Variants in POR observed in about 807,000 individuals in gnomAD.
POR encodes the protein cytochrome p450 oxidoreductase.
Under a neutral mutation model 84.0 loss-of-function variants are expected in POR, and 56 were observed. The ratio of observed to expected loss-of-function variants is 0.67; its 90% confidence interval spans 0.54 to 0.83. POR has a LOEUF of 0.83. Ranked by LOEUF, POR falls within the 40% of genes least tolerant of loss-of-function variation. The pLI, the probability that POR is intolerant of heterozygous loss-of-function variation, is 0.00. For missense variants in POR, 938 were observed against 944.3 expected (o/e 0.99, Z 0.09); for synonymous variants, 414 against 400.5 (o/e 1.03, Z -0.40).
rs548465463 is a variant in POR, at chr7:75,941,290, G to A, written c.-4-12699G>A. ...TATGTTGTACAATGACACGATGGCC[G>A]AGTAGTCTACAAAAGGAACCGTGCG... On this transcript the variant is annotated intron_variant, in intron 1 of 15. Transcript: ENST00000461988. Among the ~76,000 whole-genome samples the A allele has an allele frequency of 2.1e-4, 32 of 152,152 alleles. 1 individual carries two copies. The highest frequency in any genetic ancestry group is 2.1e-3 in the Admixed American group (32 of 15,268).
At chr7:75,974,300 C>T (rs1426797549) in intron 3 of POR, among the ~76,000 whole-genome samples, 2 of 152,042 alleles carry the variant, frequency 1.3e-5, no homozygotes, top group African/African-American at 2.4e-5. Context: ...AAATCGTCCC[C>T]GTAGGAGTCA....
At chr7:75,957,120 G>T (rs1338342435) in intron 2 of POR, among the ~76,000 whole-genome samples, 1 of 152,172 alleles carries the variant, frequency 6.6e-6, no homozygotes, top group Non-Finnish European at 1.5e-5. Flanking sequence ...AGGTAGCGTG[G>T]GTTGCCTCAT....
chr7:75,970,993 AC>A (rs1270168279), intron 2 of POR: 1 of 133,112 alleles, frequency 7.5e-6, no homozygotes, highest in Non-Finnish European at 1.6e-5. Context: ...ACAGATTCTC[AC>A]TCTGTTGCCC....
In POR at chr7:75,985,221, C is replaced by G; in HGVS notation, c.1398+14C>G. ...TCATCCTCCAAGGTGAGGGCCGGCACTGCCCTGCCAGCCACACGCTGGAGG... is the reference window on the plus strand; with the variant it reads ...TCATCCTCCAAGGTGAGGGCCGGCAGTGCCCTGCCAGCCACACGCTGGAGG... On this transcript the variant is annotated intron_variant, in intron 12 of 15. Transcript: ENST00000461988. 2 of 1,577,060 alleles carry G rather than the reference C, an allele frequency of 1.3e-6. No homozygotes were observed. The highest frequency in any genetic ancestry group is 1.7e-6 in the Non-Finnish European group (2 of 1,164,962).
At chr7:75,917,424 T>C (rs1326333670) in intron 1 of POR, among the ~76,000 whole-genome samples, 3 of 148,692 alleles carry the variant, frequency 2.0e-5, no homozygotes, top group Non-Finnish European at 4.4e-5. Flanking sequence ...CTTGAAGTTA[T>C]AGGACCTTTC....
At chr7:75,962,356 T>C (rs1358360477) in intron 2 of POR, among the ~76,000 whole-genome samples, 1 of 152,114 alleles carries the variant, frequency 6.6e-6, no homozygotes, top group South Asian at 2.1e-4. Context: ...TGCAGGGGTG[T>C]GATCAGGGCT....
rs560318689 is a variant in POR, at chr7:75,942,549, T to C, written c.-4-11440T>C. On this transcript the variant is annotated intron_variant, in intron 1 of 15. Coordinates refer to ENST00000461988, the MANE Select transcript of POR (RefSeq NM_000941.3). ...TTCCAATTGAAGGTTAGATGAGAGC[T>C]GCTCAATTGTACAGTTAAATGGATT... Among the ~76,000 whole-genome samples the C allele has an allele frequency of 1.3e-4, 19 of 151,414 alleles. No individual in the cohort carries two copies. In the East Asian group the frequency reaches 3.1e-3, roughly 25 times the overall value.
chr7:75,953,577 C>T (rs1288198518), intron 1 of POR, among the ~76,000 whole-genome samples: 1 of 152,138 alleles, frequency 6.6e-6, no homozygotes, highest in Admixed American at 6.5e-5. Flanking sequence ...AGCCACACAG[C>T]TGGGGAAAGG....
At chr7:75,973,914 G>A (rs1241860506) in intron 3 of POR, among the ~76,000 whole-genome samples, 20 of 151,594 alleles carry the variant, frequency 1.3e-4, no homozygotes, top group Non-Finnish European at 2.4e-4. Context: ...TGCTGACCTC[G>A]TGATCCATCT....
chr7:75,933,746 A>G (rs1200569776), intron 1 of POR, among the ~76,000 whole-genome samples: 5 of 152,176 alleles, frequency 3.3e-5, no homozygotes, highest in African/African-American at 1.2e-4. Flanking sequence ...AAATAGTTTC[A>G]GATTTGCAAA....
At chr7:75,951,308 C>A (rs182791685) in intron 1 of POR, among the ~76,000 whole-genome samples, 6 of 150,378 alleles carry the variant, frequency 4.0e-5, no homozygotes, top group African/African-American at 7.4e-5. Flanking sequence ...GCAAGAGAAT[C>A]GCTTGAACCC....
rs370326231 is a variant in POR at position 75,985,671 on chromosome 7, G to A, written c.1491G>A (p.Leu497=). The A allele has an allele frequency of 2.5e-6, 4 of 1,594,150 alleles. No individual in the cohort carries two copies. Among genetic ancestry groups the A allele is most frequent in the Non-Finnish European group, 3.4e-6 (4 of 1,171,720 alleles). Residue 497 remains leucine (L), a synonymous_variant, in exon 13 of 16, where the codon CTG becomes CTA. Transcript: ENST00000461988. ...ACAAGGGCGTGGCCACCAACTGGCTGCGGGCCAAGGAGCCTGCCGGGGAGA... is the reference window on the plus strand; with the variant it reads ...ACAAGGGCGTGGCCACCAACTGGCTACGGGCCAAGGAGCCTGCCGGGGAGA...
chr7:75,937,466 T>A, intron 1 of POR, among the ~76,000 whole-genome samples: 1 of 87,010 alleles, frequency 1.1e-5, no homozygotes, highest in Non-Finnish European at 2.1e-5. Flanking sequence ...AGCCAGACCC[T>A]GTCTCAAAAA....
intron 2 of POR, among the ~76,000 whole-genome samples, chr7:75,966,220 C>G (rs897679362): frequency 9.2e-5 from 14 of 152,186 alleles, no homozygotes; most frequent in African/African-American, 3.4e-4. Context: ...TGTGGCCACT[C>G]ACACCTGCTT....
intron 1 of POR, among the ~76,000 whole-genome samples, chr7:75,949,069 G>A (rs996948768): frequency 2.0e-5 from 3 of 152,198 alleles, no homozygotes; most frequent in Admixed American, 2.0e-4. Context: ...TAAGAAATGT[G>A]GGTGGTGGGA....
chr7:75,977,620 T>A (rs1162186597), intron 3 of POR, among the ~76,000 whole-genome samples: 2 of 151,756 alleles, frequency 1.3e-5, no homozygotes, highest in Non-Finnish European at 2.9e-5. Context: ...TACTAAAAAT[T>A]CAAAAAAATT....
chr7:75,942,941 T>TTTTTTA (rs1786998400), intron 1 of POR, among the ~76,000 whole-genome samples: 1 of 149,230 alleles, frequency 6.7e-6, no homozygotes, highest in Non-Finnish European at 1.5e-5. Flanking sequence ...CAGTTCTTTC[T>TTTTTTA]TTTTTCTTTT....
intron 3 of POR, among the ~76,000 whole-genome samples, chr7:75,978,040 C>T (rs889803583): frequency 6.6e-6 from 1 of 152,160 alleles, no homozygotes; most frequent in South Asian, 2.1e-4. Context: ...GTGAGCCAGC[C>T]CCTAGGACCT....
intron 1 of POR, among the ~76,000 whole-genome samples, chr7:75,939,725 A>T (rs1294419793): frequency 6.8e-6 from 1 of 147,620 alleles, no homozygotes; most frequent in African/African-American, 2.5e-5. Flanking sequence ...CTGCCTCAGC[A>T]GCCTCCAGAG....
Sources: gnomAD v4.1 joint callset for allele counts (sites outside exome capture counted in the v4.1 genomes callset) on GRCh38, gnomAD v4.1.1 for gene constraint, MANE v1.5 for transcripts, NCBI Gene and HGNC (gene_info 2026-07-23, HGNC 2026-07-21) for gene names.